Variants in PCSK6 observed in about 807,000 individuals in gnomAD.
The protein encoded by PCSK6 is proprotein convertase subtilisin/kexin type 6.
In PCSK6, 85 loss-of-function variants were observed where a neutral mutation model predicts 123.3. That is an observed-to-expected ratio of 0.69 (90% confidence interval 0.58 to 0.83). The LOEUF (loss-of-function observed/expected upper bound fraction) is 0.83, where lower values mean the gene tolerates loss of function less well. PCSK6 is among the 40% of genes least tolerant of loss of function. The pLI is 0.00. For missense variants in PCSK6, 1,191 were observed against 1,282.3 expected (o/e 0.93, Z 1.09); for synonymous variants, 508 against 516.0 (o/e 0.98, Z 0.21).
rs112682879 is a variant in PCSK6 at position 101,368,338 on chromosome 15, G to A, written c.1721+1997C>T. ...GTTCTTGTGGGTCAGGTAGCCGGAC[G>A]TAAGCAGGACACGTAGGGCAACCAG... is the stretch of plus-strand genomic sequence containing the variant. On this transcript the variant is annotated intron_variant, in intron 12 of 21. Transcript: ENST00000611716. Among the ~76,000 whole-genome samples, 17 of 152,322 alleles carry A rather than the reference G, an allele frequency of 1.1e-4. 1 individual carries two copies. The highest frequency in any genetic ancestry group is 3.4e-4 in the African/African-American group (14 of 41,560).
At chr15:101,455,305 A>C (rs2057150907) in intron 1 of PCSK6, among the ~76,000 whole-genome samples, 1 of 152,242 alleles carries the variant, frequency 6.6e-6, no homozygotes, top group Admixed American at 6.5e-5. Flanking sequence ...CCCAAGGCAC[A>C]GCCAAGCACG....
At chr15:101,348,520 C>A (rs1481185894) in intron 13 of PCSK6, among the ~76,000 whole-genome samples, 1 of 152,194 alleles carries the variant, frequency 6.6e-6, no homozygotes, top group Admixed American at 6.5e-5. Flanking sequence ...CAAGGCAGAA[C>A]ACAGAATTCG....
intron 10 of PCSK6, among the ~76,000 whole-genome samples, chr15:101,382,816 C>T (rs912811398): frequency 1.3e-5 from 2 of 152,160 alleles, no homozygotes; most frequent in Non-Finnish European, 2.9e-5. Context: ...TGCATACAAT[C>T]TATTCTCCTA....
At chr15:101,435,368 G>T (rs527715563) in intron 2 of PCSK6, among the ~76,000 whole-genome samples, 44 of 152,266 alleles carry the variant, frequency 2.9e-4, no homozygotes, top group Middle Eastern at 6.8e-3. Flanking sequence ...CTAAATGACT[G>T]CTAGATGACA....
Position 101,367,141 on chromosome 15 carries a change from A to G in PCSK6, c.1722-809T>C, listed in dbSNP as rs3784509. Among the ~76,000 whole-genome samples the G allele has an allele frequency of 0.017, 2,515 of 152,146 alleles. 165 individuals carry two copies. The East Asian group carries it at 0.22, about 13-fold the overall frequency. ...CCTTCCCAACTCGAAGGTCTTTCCCAACTGTACCCTTGAGCCCCTGGGCCT... is the reference window on the plus strand; with the variant it reads ...CCTTCCCAACTCGAAGGTCTTTCCCGACTGTACCCTTGAGCCCCTGGGCCT... On this transcript the variant is annotated intron_variant, in intron 12 of 21. Transcript: ENST00000611716.
intron 19 of PCSK6, among the ~76,000 whole-genome samples, chr15:101,315,914 G>T (rs2039981260): frequency 6.6e-6 from 1 of 152,352 alleles, no homozygotes; most frequent in African/African-American, 2.4e-5. Flanking sequence ...CGATCGAGTT[G>T]CCTGCCAAGT....
At chr15:101,367,401 T>G (rs1446140590) in intron 12 of PCSK6, among the ~76,000 whole-genome samples, 1 of 152,224 alleles carries the variant, frequency 6.6e-6, no homozygotes. Context: ...AAGTTTTGAA[T>G]GATGTAAGAT....
intron 2 of PCSK6, among the ~76,000 whole-genome samples, chr15:101,436,937 G>A (rs1417761784): frequency 2.0e-5 from 3 of 152,180 alleles, no homozygotes; most frequent in Admixed American, 1.3e-4. Flanking sequence ...TCACTGACAG[G>A]CGACGATTCA....
At chr15:101,481,597 C>T (rs1023326052) in intron 1 of PCSK6, among the ~76,000 whole-genome samples, 4 of 151,232 alleles carry the variant, frequency 2.6e-5, no homozygotes, top group South Asian at 2.1e-4. Flanking sequence ...CTGTGCTGGG[C>T]GGTGGCAGGG....
chr15:101,359,014 C>T (rs2141431229), intron 13 of PCSK6, among the ~76,000 whole-genome samples: 1 of 152,300 alleles, frequency 6.6e-6, no homozygotes, highest in Admixed American at 6.5e-5. Flanking sequence ...GGAGGATGCA[C>T]AGAGCCTGTG....
intron 12 of PCSK6, among the ~76,000 whole-genome samples, chr15:101,366,562 A>G (rs2041399829): frequency 6.6e-6 from 1 of 152,116 alleles, no homozygotes; most frequent in African/African-American, 2.4e-5. Flanking sequence ...GAACCTCCTT[A>G]ACATTCTGAG....
At chr15:101,321,010 C>T (rs111542706) in intron 18 of PCSK6, among the ~76,000 whole-genome samples, 8 of 152,146 alleles carry the variant, frequency 5.3e-5, no homozygotes, top group East Asian at 1.9e-4. Context: ...AATGCATTCC[C>T]GGGGACCCCT....
chr15:101,344,593 G>A (rs1034766595), intron 13 of PCSK6, among the ~76,000 whole-genome samples: 10 of 152,182 alleles, frequency 6.6e-5, no homozygotes, highest in Non-Finnish European at 1.5e-4. Flanking sequence ...GTGGGGTGGA[G>A]GAGTGGAGAA....
At chr15:101,458,037 G>T (rs1017142561) in intron 1 of PCSK6, among the ~76,000 whole-genome samples, 18 of 152,140 alleles carry the variant, frequency 1.2e-4, no homozygotes. Context: ...CCCTCCAGAG[G>T]TGGAGCTGGG....
intron 6 of PCSK6, among the ~76,000 whole-genome samples, chr15:101,424,323 G>A (rs11853579): frequency 4.6e-5 from 7 of 151,618 alleles, no homozygotes; most frequent in African/African-American, 7.3e-5. Flanking sequence ...TCGACTCATC[G>A]TCGGAAACAA....
intron 6 of PCSK6, among the ~76,000 whole-genome samples, chr15:101,418,469 T>C (rs1480278179): frequency 1.3e-5 from 2 of 151,378 alleles, no homozygotes; most frequent in Non-Finnish European, 2.9e-5. Context: ...ACAATACTCA[T>C]GAGCAAATGG....
chr15:101,312,781 G>A (rs1166115371), intron 20 of PCSK6, among the ~76,000 whole-genome samples: 5 of 152,054 alleles, frequency 3.3e-5, no homozygotes, highest in South Asian at 2.1e-4. Context: ...GCAATGAGCC[G>A]AGATCGCCCA....
chr15:101,424,089 G>C (rs2056173117), intron 6 of PCSK6, among the ~76,000 whole-genome samples: 1 of 151,688 alleles, frequency 6.6e-6, no homozygotes, highest in African/African-American at 2.4e-5. Context: ...TTTTTAATTA[G>C]CTGGGAAAGG....
At position 101,468,872 on chromosome 15, in the gene PCSK6, A is replaced by T. The variant is rs536739396; in HGVS notation, c.297+20502T>A. 2.6e-3 allele frequency among the ~76,000 whole-genome samples: 397 copies of T among 152,334 alleles called. 1 individual carries two copies. The highest frequency in any genetic ancestry group is 8.1e-3 in the African/African-American group (335 of 41,584). On this transcript the variant is annotated intron_variant, in intron 1 of 21. Transcript: ENST00000611716. ...TCACGGAGGTTTAAGTTTATGCTGCAATCCTCACAACAGCTGGATATAGAA... is the reference window on the plus strand; with the variant it reads ...TCACGGAGGTTTAAGTTTATGCTGCTATCCTCACAACAGCTGGATATAGAA...
Sources: allele counts gnomAD v4.1 joint callset (sites outside exome capture counted in the v4.1 genomes callset), GRCh38; gene constraint gnomAD v4.1.1; transcripts MANE v1.5; gene names NCBI Gene and HGNC (gene_info 2026-07-23, HGNC 2026-07-21).